NTRK1: variants seen among roughly 807,000 people sequenced by gnomAD.
NTRK1 encodes high affinity nerve growth factor receptor.
In NTRK1, 62 loss-of-function variants were observed where a neutral mutation model predicts 86.8. The observed-to-expected ratio is 0.71, with a 90% CI of 0.58 to 0.88. The LOEUF is 0.88. NTRK1 is among the 40% of genes least tolerant of loss of function. The probability of loss-of-function intolerance (pLI) is 0.00; values close to 1 mark genes in which losing one functional copy is unlikely to be tolerated. For missense variants in NTRK1, 967 were observed against 1,078.4 expected (o/e 0.90, Z 1.45); for synonymous variants, 469 against 456.6 (o/e 1.03, Z -0.35).
intron 2 of NTRK1, among the ~76,000 whole-genome samples, chr1:156,848,385 C>G (rs1449966401): frequency 6.6e-6 from 1 of 152,218 alleles, no homozygotes; most frequent in African/African-American, 2.4e-5. Context: ...AAGGATATCT[C>G]CTTTTGATTC....
Position 156,860,941 on chromosome 1 carries a change from C to G in NTRK1, c.7C>G (p.Arg3Gly), listed in dbSNP as rs1655612729. 3.4e-6 allele frequency: 5 copies of G among 1,488,330 alleles called. No individual in the cohort carries two copies. In the Admixed American group the frequency reaches 1.1e-4, roughly 33 times the overall value. 92.2% of individuals were successfully genotyped at this position (1,488,330 alleles called of 1,614,324 possible). A position where few individuals can be genotyped will look rare whatever the true frequency, so the allele number is the denominator to read the frequency against. The change falls in exon 1 of 17, where the codon CGA becomes GGA. Residue 3 changes from arginine to glycine, a missense_variant. Physicochemically the swap from Arg to Gly is moderately radical, Grantham distance 125 (BLOSUM62 -2). Coordinates refer to ENST00000524377, the MANE Select transcript of NTRK1 (RefSeq NM_002529.4). ML[R>G]GGRRGQLGWH... ...CGAGGCGGGCGCCGCCGCGATGCTGCGAGGCGGACGGCGCGGGCAGCTTGG... is the reference window on the plus strand; with the variant it reads ...CGAGGCGGGCGCCGCCGCGATGCTGGGAGGCGGACGGCGCGGGCAGCTTGG...
In NTRK1 at chr1:156,854,340, C is replaced by T. The variant is rs1175236952; in HGVS notation, c.51-10014C>T. The T allele has an allele frequency of 4.5e-6, 7 of 1,554,732 alleles. No homozygotes were observed. Among genetic ancestry groups the T allele is most frequent in the East Asian group, 4.6e-5 (2 of 43,562 alleles). ...CACGGCACGCAGCATTGAGTACAGC[C>T]CAGGCCAAATTCCCCATCCAGCCCT... On this transcript the variant is annotated intron_variant, in intron 2 of 16. Coordinates refer to the NTRK1 transcript ENST00000392302. The surrounding 1 kb of genome is among the most constrained non-coding windows in gnomAD (Gnocchi z 4.2).
rs61135840 is a variant in NTRK1, at chr1:156,820,315, C to T, written c.-64+4477C>T. On this transcript the variant is annotated intron_variant, in intron 1 of 16. Transcript: ENST00000392302. ...AGGCTGTAATGCAGTGGCACGATCT[C>T]GGCTCACTGCAGCCTCAACCTCCCG... 4.2e-3 allele frequency among the ~76,000 whole-genome samples: 643 copies of T among 152,284 alleles called. 6 individuals are homozygous for T. The highest frequency in any genetic ancestry group is 0.015 in the African/African-American group (615 of 41,544).
In NTRK1 at chr1:156,816,270, G is replaced by A. The variant is rs543452228; in HGVS notation, c.-64+432G>A. On this transcript the variant is annotated intron_variant, in intron 1 of 16. Transcript: ENST00000392302. Reference sequence around the variant, plus strand: ...AGGCATGAGGTTAAGTAGCCAAGGCGGCATGGGGGGCTAATGCTGCCAGAG... The same window carrying A: ...AGGCATGAGGTTAAGTAGCCAAGGCAGCATGGGGGGCTAATGCTGCCAGAG... 9.2e-5 allele frequency: 53 copies of A among 577,170 alleles called. 1 individual carries two copies. The South Asian group carries it at 2.7e-3, about 29-fold the overall frequency. 35.8% of individuals were successfully genotyped at this position (577,170 alleles called of 1,614,324 possible).
intron 2 of NTRK1, among the ~76,000 whole-genome samples, chr1:156,852,938 C>T (rs1463446010): frequency 6.6e-6 from 1 of 152,086 alleles, no homozygotes; most frequent in East Asian, 1.9e-4. Context: ...AGGAGCTGAC[C>T]TCCAGGAGCT....
rs1352374509 is a variant in NTRK1 at position 156,881,704 on chromosome 1, C to T, written c.*62C>T. On this transcript the variant is annotated 3_prime_UTR_variant, in exon 17 of 17. Coordinates refer to ENST00000524377, the MANE Select transcript of NTRK1 (RefSeq NM_002529.4). ...TACTGGGGCCTGCCCTCAGCATCCC[C>T]CATAGCTCCCAGCAGCCCCAGGGTG... The T allele has an allele frequency of 2.7e-6, 4 of 1,475,592 alleles. No individual in the cohort carries two copies. Among genetic ancestry groups the T allele is most frequent in the Non-Finnish European group, 2.7e-6 (3 of 1,095,572 alleles). The allele number at this position is 1,475,592 out of a possible 1,614,324, so 91.4% of individuals were successfully genotyped here. A position where few individuals can be genotyped will look rare whatever the true frequency, so the allele number is the denominator to read the frequency against.
intron 4 of NTRK1, 25 bp downstream of exon 4, chr1:156,867,003 A>C (rs765791778): frequency 6.2e-7 from 1 of 1,612,146 alleles, no homozygotes; most frequent in Non-Finnish European, 8.5e-7. Flanking sequence ...TTCCAGGGGC[A>C]AGAGCACCAA....
chr1:156,831,851 C>A (rs944173634), intron 1 of NTRK1, among the ~76,000 whole-genome samples: 1 of 152,300 alleles, frequency 6.6e-6, no homozygotes, highest in South Asian at 2.1e-4. Flanking sequence ...TGAAGGGTTT[C>A]CCTCTTCCCT....
chr1:156,831,722 A>G (rs1046864027), intron 1 of NTRK1, among the ~76,000 whole-genome samples: 1 of 152,224 alleles, frequency 6.6e-6, no homozygotes. Context: ...GGACCCATGA[A>G]GCTGAAGGTA....
Position 156,860,907 on chromosome 1 carries a change from C to A in NTRK1, c.-28C>A, listed in dbSNP as rs753655855. The A allele has an allele frequency of 8.0e-5, 115 of 1,429,792 alleles. No homozygotes were observed. The highest frequency in any genetic ancestry group is 6.0e-5 in the Admixed American group (2 of 33,156). 88.6% of individuals were successfully genotyped at this position (1,429,792 alleles called of 1,614,324 possible). A position where few individuals can be genotyped will look rare whatever the true frequency, so the allele number is the denominator to read the frequency against. ...AGCTGGGAGCGCACAGACGGCTGCC[C>A]CGCCTGAGCGAGGCGGGCGCCGCCG... On this transcript the variant is annotated 5_prime_UTR_variant, in exon 1 of 17. Coordinates refer to ENST00000524377, the MANE Select transcript of NTRK1 (RefSeq NM_002529.4).
chr1:156,873,548 G>C (rs934334830), intron 7 of NTRK1, 85 bp from the exon 8 acceptor site: 3 of 1,176,712 alleles, frequency 2.5e-6, no homozygotes, highest in Non-Finnish European at 3.7e-6. Context: ...GGTTCTACTC[G>C]CTTTGCCCGT....
At chr1:156,830,458 G>A (rs890912573) in intron 1 of NTRK1, among the ~76,000 whole-genome samples, 1 of 151,828 alleles carries the variant, frequency 6.6e-6, no homozygotes, top group Non-Finnish European at 1.5e-5. Context: ...GTGCCCAGGT[G>A]AACCTGGGCA....
rs1038847780 is a variant in NTRK1 at position 156,868,401 on chromosome 1, C to G, written c.575-104C>G. On this transcript the variant is annotated intron_variant, in intron 5 of 16. Transcript: ENST00000524377. ...TGCCTGGGGTGACATCGCCTGGGCT[C>G]CAGGTCATTGAGGAGGGTGGGGGAA... 1.9e-6 allele frequency: 3 copies of G among 1,538,468 alleles called. No individual in the cohort carries two copies. In the African/African-American group the frequency reaches 4.1e-5, roughly 21 times the overall value.
At chr1:156,864,866 TTGGCTGTCCCCGGGG>T in intron 3 of NTRK1, 67 bp downstream of exon 3, 2 of 1,491,034 alleles carry the variant, frequency 1.3e-6, no homozygotes, top group Non-Finnish European at 1.9e-6. Flanking sequence ...GCTAATGGGC[TTGGCTGTCCCCGGGG>T]AATGATTGCG....
intron 2 of NTRK1, chr1:156,845,683 C>G (rs766342690): frequency 1.2e-6 from 2 of 1,612,008 alleles, no homozygotes; most frequent in Admixed American, 3.4e-5. Flanking sequence ...GCCTCTTGCG[C>G]CTCCAGCGGG....
rs1800878 is a variant in NTRK1, at chr1:156,864,477, G to T, written c.287+49G>T. On this transcript the variant is annotated intron_variant, in intron 2 of 16. Coordinates refer to ENST00000524377, the MANE Select transcript of NTRK1 (RefSeq NM_002529.4). ...TGTGGAGCTCAGCATGGGCCTGGGG[G>T]AGACCAGAAGGTCAGGGAGGGCTCA... The T allele has an allele frequency of 0.029, 45,506 of 1,583,284 alleles. 850 individuals are homozygous for T. The highest frequency in any genetic ancestry group is 0.091 in the East Asian group (4,060 of 44,670).
chr1:156,870,110 A>G (rs932543355), intron 6 of NTRK1, among the ~76,000 whole-genome samples: 2 of 152,354 alleles, frequency 1.3e-5, no homozygotes, highest in East Asian at 3.9e-4. Flanking sequence ...AGAGTGAGTA[A>G]AAGAAAGGGG....
At chr1:156,870,330 T>C (rs759545250) in intron 6 of NTRK1, among the ~76,000 whole-genome samples, 1 of 152,112 alleles carries the variant, frequency 6.6e-6, no homozygotes, top group Non-Finnish European at 1.5e-5. Flanking sequence ...GGATAATCAC[T>C]TGAGACCAGC....
chr1:156,876,069 A>G lies in NTRK1; in HGVS notation c.1502-11A>G, dbSNP rs2102917068. On this transcript the variant is annotated splice_polypyrimidine_tract_variant and intron_variant, in intron 12 of 16. Coordinates refer to ENST00000524377, the MANE Select transcript of NTRK1 (RefSeq NM_002529.4). Reference sequence around the variant, plus strand: ...ACTGGGGCTACCGTCTGACCCTGCAAGCCCCCTCAGGTGTTCACCACATCA... The same window carrying G: ...ACTGGGGCTACCGTCTGACCCTGCAGGCCCCCTCAGGTGTTCACCACATCA... The G allele has an allele frequency of 6.2e-7, 1 of 1,614,134 alleles. No individual in the cohort carries two copies. The highest frequency in any genetic ancestry group is 2.2e-5 in the East Asian group (1 of 44,880).
Sources: gnomAD v4.1 joint callset for allele counts (sites outside exome capture counted in the v4.1 genomes callset) on GRCh38, gnomAD v4.1.1 for gene constraint, Gnocchi (gnomAD v3.1) non-coding constraint, MANE v1.5 for transcripts, NCBI Gene and HGNC (gene_info 2026-07-23, HGNC 2026-07-21) for gene names.